The following CTNNA3 variants were observed in gnomAD, a reference collection of about 807,000 sequenced individuals.
CTNNA3 encodes the protein catenin alpha-3.
In CTNNA3, 76 loss-of-function variants were observed where a neutral mutation model predicts 95.7. The observed-to-expected ratio is 0.79, with a 90% CI of 0.66 to 0.96. The LOEUF is 0.96. Among genes scored for constraint, CTNNA3 ranks in the 40% least tolerant of loss-of-function variants. The pLI, the probability that CTNNA3 is intolerant of heterozygous loss-of-function variation, is 0.00. For missense variants in CTNNA3, 1,191 were observed against 1,089.8 expected (o/e 1.09, Z -1.31); for synonymous variants, 431 against 374.4 (o/e 1.15, Z -1.74).
At chr10:66,276,400 C>G (rs1181832873) in intron 13 of CTNNA3, among the ~76,000 whole-genome samples, 5 of 152,106 alleles carry the variant, frequency 3.3e-5, no homozygotes, top group Admixed American at 3.3e-4. Context: ...TACCCTCTCT[C>G]TCAATTCAAT....
At chr10:66,587,241 G>T (rs1843389279) in intron 10 of CTNNA3, among the ~76,000 whole-genome samples, 1 of 152,188 alleles carries the variant, frequency 6.6e-6, no homozygotes, top group Non-Finnish European at 1.5e-5. Context: ...AATAGCTGAG[G>T]TTGCATAAAA....
chr10:66,720,835 A>AAAAAG (rs969018534), intron 9 of CTNNA3, among the ~76,000 whole-genome samples: 7 of 152,162 alleles, frequency 4.6e-5, no homozygotes, highest in East Asian at 3.9e-4. Context: ...CCTGTCTCAA[A>AAAAAG]AAAAGAAAAG....
intron 9 of CTNNA3, among the ~76,000 whole-genome samples, chr10:66,698,902 T>C (rs1039487759): frequency 6.6e-6 from 1 of 152,202 alleles, no homozygotes; most frequent in African/African-American, 2.4e-5. Flanking sequence ...ATGAGGACAC[T>C]AACAAAAGTA....
chr10:67,612,495 T>A (rs568787757), intron 2 of CTNNA3, among the ~76,000 whole-genome samples: 2 of 152,200 alleles, frequency 1.3e-5, no homozygotes, highest in East Asian at 1.9e-4. Context: ...GAGAAAAAAA[T>A]TTATTTTGTC....
At position 66,686,020 on chromosome 10, in the gene CTNNA3, T is replaced by C. The variant is rs566557305; in HGVS notation, c.1282-64236A>G. Among the ~76,000 whole-genome samples the C allele has an allele frequency of 2.0e-5, 3 of 152,322 alleles. No homozygotes were observed. The South Asian group carries it at 6.2e-4, about 32-fold the overall frequency. On this transcript the variant is annotated intron_variant, in intron 9 of 17. Transcript: ENST00000433211. ...ACTTATATAACACTCATAATTTTTG[T>C]ATCTTTATTTCCATATGCACAGTTT...
chr10:67,382,604 T>C (rs555191089), intron 5 of CTNNA3, among the ~76,000 whole-genome samples: 3 of 152,332 alleles, frequency 2.0e-5, no homozygotes, highest in African/African-American at 7.2e-5. Context: ...TGTTTCTTAC[T>C]ATACATACAT....
intron 7 of CTNNA3, among the ~76,000 whole-genome samples, chr10:67,037,493 T>C (rs562144048): frequency 6.6e-6 from 1 of 152,244 alleles, no homozygotes; most frequent in African/African-American, 2.4e-5. Flanking sequence ...TAAGGGAAAC[T>C]ATATAAGATG....
chr10:66,076,043 A>C (rs2080550211), intron 14 of CTNNA3, among the ~76,000 whole-genome samples: 2 of 151,704 alleles, frequency 1.3e-5, no homozygotes, highest in South Asian at 4.1e-4. Flanking sequence ...ACTCATATGA[A>C]TGGGTAGCTA....
intron 9 of CTNNA3, among the ~76,000 whole-genome samples, chr10:66,654,805 T>C (rs900942365): frequency 6.6e-6 from 1 of 152,082 alleles, no homozygotes; most frequent in Non-Finnish European, 1.5e-5. Context: ...TCATTTGAGA[T>C]GACATGGATC....
intron 7 of CTNNA3, among the ~76,000 whole-genome samples, chr10:66,879,263 C>G (rs1844751997): frequency 6.6e-6 from 1 of 152,030 alleles, no homozygotes; most frequent in South Asian, 2.1e-4. Context: ...CATGAACTTG[C>G]CTGGGCCATT....
chr10:67,130,755 G>T (rs1020670708), intron 7 of CTNNA3, among the ~76,000 whole-genome samples: 11 of 152,006 alleles, frequency 7.2e-5, no homozygotes, highest in Non-Finnish European at 1.5e-4. Context: ...AGCATCAATG[G>T]GTCCTGGCCT....
chr10:66,207,232 A>G (rs1314162191), intron 13 of CTNNA3, among the ~76,000 whole-genome samples: 2 of 151,804 alleles, frequency 1.3e-5, no homozygotes, highest in Non-Finnish European at 1.5e-5. Context: ...ATATACTTCT[A>G]AAAGGTATGT....
At chr10:67,082,146 A>G (rs965120243) in intron 7 of CTNNA3, among the ~76,000 whole-genome samples, 3 of 152,174 alleles carry the variant, frequency 2.0e-5, no homozygotes, top group African/African-American at 4.8e-5. Flanking sequence ...TAAAATTAAA[A>G]AACAGAGAAT....
chr10:67,408,966 CAACA>C (rs952976362), intron 5 of CTNNA3, among the ~76,000 whole-genome samples: 1 of 149,858 alleles, frequency 6.7e-6, no homozygotes, highest in African/African-American at 2.4e-5. Flanking sequence ...TGCATGTGGC[CAACA>C]AACATGTGAA....
intron 7 of CTNNA3, among the ~76,000 whole-genome samples, chr10:67,157,267 G>A (rs927362575): frequency 6.6e-6 from 1 of 152,104 alleles, no homozygotes; most frequent in Non-Finnish European, 1.5e-5. Flanking sequence ...AAACGTATCA[G>A]TAAAGTTGCA....
At chr10:66,869,394 T>C (rs1186571459) in intron 7 of CTNNA3, among the ~76,000 whole-genome samples, 4 of 151,860 alleles carry the variant, frequency 2.6e-5, no homozygotes, top group African/African-American at 9.7e-5. Context: ...AACAACATGG[T>C]GAAACCTCAT....
chr10:67,180,675 G>C (rs890993035), intron 6 of CTNNA3, among the ~76,000 whole-genome samples, 155 bp from the exon 7 acceptor site: 1 of 152,190 alleles, frequency 6.6e-6, no homozygotes, highest in African/African-American at 2.4e-5. Flanking sequence ...ATGCTATGTA[G>C]TGATTATTAT....
chr10:66,025,651 T>A (rs1182246171), intron 15 of CTNNA3, among the ~76,000 whole-genome samples: 1 of 152,172 alleles, frequency 6.6e-6, no homozygotes, highest in Non-Finnish European at 1.5e-5. Context: ...TCAACTTGCA[T>A]CAGGCAGAAA....
At position 66,393,596 on chromosome 10, in the gene CTNNA3, A is replaced by G. The variant is rs140745862; in HGVS notation, c.1532-14244T>C. On this transcript the variant is annotated intron_variant, in intron 11 of 17. Transcript: ENST00000433211. ...AATTTTCTGAGAATATAACTAAGAA[A>G]AAGTTTGGTCCTATTCTTTCCCCAA... Among the ~76,000 whole-genome samples the G allele has an allele frequency of 1.6e-3, 239 of 152,232 alleles. 1 individual carries two copies. Among genetic ancestry groups the G allele is most frequent in the African/African-American group, 5.6e-3 (233 of 41,582 alleles).
Sources: gnomAD v4.1 joint callset for allele counts (sites outside exome capture counted in the v4.1 genomes callset) on GRCh38, gnomAD v4.1.1 for gene constraint, MANE v1.5 for transcripts, NCBI Gene and HGNC (gene_info 2026-07-23, HGNC 2026-07-21) for gene names.